Variants in RFX3 observed in about 807,000 individuals in gnomAD.
The protein encoded by RFX3 is transcription factor RFX3.
In RFX3, 14 loss-of-function variants were observed where a neutral mutation model predicts 98.6. That is an observed-to-expected ratio of 0.14 (90% CI 0.09 to 0.22). The LOEUF is 0.22. Ranked by LOEUF, RFX3 falls within the 10% of genes least tolerant of loss-of-function variation. The pLI, the probability that RFX3 is intolerant of heterozygous loss-of-function variation, is 1.00. For synonymous variants in RFX3, 383 were observed against 328.4 expected (o/e 1.17, Z -1.80); for missense variants, 639 against 926.9 (o/e 0.69, Z 4.03).
chr9:3,410,131 G>T (rs186992950), intron 1 of RFX3, among the ~76,000 whole-genome samples: 2 of 139,394 alleles, frequency 1.4e-5, no homozygotes, highest in East Asian at 2.3e-4. Flanking sequence ...TCTGTTTCAG[G>T]GTGTTTAACA....
At chr9:3,436,606 T>C (rs1845147241) in intron 1 of RFX3, among the ~76,000 whole-genome samples, 1 of 152,104 alleles carries the variant, frequency 6.6e-6, no homozygotes, top group Non-Finnish European at 1.5e-5. Context: ...TTATTCAAAA[T>C]ACTACATGCC....
intron 1 of RFX3, among the ~76,000 whole-genome samples, chr9:3,447,396 G>T (rs1304601734): frequency 6.6e-6 from 1 of 152,036 alleles, no homozygotes; most frequent in African/African-American, 2.4e-5. Flanking sequence ...GCCCAGCAAT[G>T]CAAAAGTTGA....
At chr9:3,267,586 G>T (rs1823810703) in intron 11 of RFX3, among the ~76,000 whole-genome samples, 1 of 151,808 alleles carries the variant, frequency 6.6e-6, no homozygotes, top group Non-Finnish European at 1.5e-5. Context: ...GATTGGAACG[G>T]GCTAAATTTT....
intron 1 of RFX3, among the ~76,000 whole-genome samples, chr9:3,456,479 T>C (rs969418225): frequency 1.3e-5 from 2 of 152,186 alleles, no homozygotes; most frequent in Non-Finnish European, 2.9e-5. Context: ...CCCAGCTTTA[T>C]GTGATATGCA....
At chr9:3,389,061 T>C (rs990307910) in intron 2 of RFX3, among the ~76,000 whole-genome samples, 1 of 152,104 alleles carries the variant, frequency 6.6e-6, no homozygotes, top group African/African-American at 2.4e-5. Flanking sequence ...TTATCCTCAA[T>C]GTTAGCAGTA....
intron 1 of RFX3, among the ~76,000 whole-genome samples, chr9:3,476,465 A>G (rs903278454): frequency 1.3e-5 from 2 of 152,184 alleles, no homozygotes; most frequent in African/African-American, 4.8e-5. Flanking sequence ...GCTTGAAAAC[A>G]GGGGAAGAGA....
chr9:3,493,738 C>T (rs1034256354), intron 1 of RFX3, among the ~76,000 whole-genome samples: 8 of 145,126 alleles, frequency 5.5e-5, no homozygotes, highest in Non-Finnish European at 1.2e-4. Context: ...CATACATACA[C>T]ACACACACTG....
intron 2 of RFX3, among the ~76,000 whole-genome samples, chr9:3,348,666 C>T (rs1834731603): frequency 6.6e-6 from 1 of 151,840 alleles, no homozygotes; most frequent in Non-Finnish European, 1.5e-5. Context: ...GACTTTATCC[C>T]CCAGTACCCT....
intron 1 of RFX3, among the ~76,000 whole-genome samples, chr9:3,427,414 TA>T: frequency 7.2e-6 from 1 of 138,894 alleles, no homozygotes; most frequent in South Asian, 2.2e-4. Context: ...TATATTGTTA[TA>T]TAATAATACA....
intron 1 of RFX3, among the ~76,000 whole-genome samples, chr9:3,509,675 T>C (rs868680320): frequency 1.3e-5 from 2 of 151,996 alleles, no homozygotes; most frequent in African/African-American, 2.4e-5. Flanking sequence ...AACATTAAGG[T>C]ATTTATGCAA....
At chr9:3,512,907 T>A (rs1240081746) in intron 1 of RFX3, among the ~76,000 whole-genome samples, 1 of 152,098 alleles carries the variant, frequency 6.6e-6, no homozygotes, top group East Asian at 1.9e-4. Flanking sequence ...TCCAACACTT[T>A]TTTATCCTTC....
At chr9:3,431,309 C>A (rs569170252) in intron 1 of RFX3, among the ~76,000 whole-genome samples, 9 of 152,296 alleles carry the variant, frequency 5.9e-5, no homozygotes, top group African/African-American at 1.9e-4. Flanking sequence ...ACTAGTGATG[C>A]TGCAAGTGCT....
At position 3,224,334 on chromosome 9, in the gene RFX3, A is replaced by C. The variant is rs1258750868; in HGVS notation, c.*708T>G. ...TAGTTAAAATTCAATGTTTAACGGA[A>C]GCTTGCATTGTTAACATGGTTTAAT... On this transcript the variant is annotated 3_prime_UTR_variant, in exon 17 of 17. Coordinates refer to ENST00000617270, the MANE Select transcript of RFX3 (RefSeq NM_001282116.2). The C allele has an allele frequency of 6.6e-6, 1 of 152,242 alleles. No individual in the cohort carries two copies. Among genetic ancestry groups the C allele is most frequent in the African/African-American group, 2.4e-5 (1 of 41,472 alleles). The allele number at this position is 152,242 out of a possible 1,614,324, so 9.4% of individuals were successfully genotyped here.
intron 2 of RFX3, among the ~76,000 whole-genome samples, chr9:3,387,851 A>C (rs1440079423): frequency 1.3e-5 from 2 of 152,152 alleles, no homozygotes; most frequent in Non-Finnish European, 2.9e-5. Flanking sequence ...ATTCATGTCC[A>C]TCAATGCTAG....
intron 1 of RFX3, among the ~76,000 whole-genome samples, chr9:3,512,506 T>G (rs1817752810): frequency 6.6e-6 from 1 of 151,980 alleles, no homozygotes; most frequent in Non-Finnish European, 1.5e-5. Flanking sequence ...CAACTGGATA[T>G]GCTAATTTTG....
chr9:3,452,754 T>TA (rs1846775930), intron 1 of RFX3, among the ~76,000 whole-genome samples: 1 of 152,202 alleles, frequency 6.6e-6, no homozygotes, highest in Admixed American at 6.5e-5. Context: ...ATTAGCTATT[T>TA]AAAAACTTAT....
chr9:3,477,702 C>G (rs1030523860), intron 1 of RFX3, among the ~76,000 whole-genome samples: 7 of 152,098 alleles, frequency 4.6e-5, no homozygotes, highest in African/African-American at 1.7e-4. Flanking sequence ...TATTTTTCAG[C>G]AAGTTTGGAA....
intron 4 of RFX3, among the ~76,000 whole-genome samples, chr9:3,306,052 G>A (rs944478555): frequency 3.9e-5 from 6 of 152,042 alleles, no homozygotes; most frequent in South Asian, 2.1e-4. Context: ...AGAAATATAC[G>A]TAACACTAAA....
chr9:3,426,791 C>T (rs1378907675), intron 1 of RFX3, among the ~76,000 whole-genome samples: 3 of 152,112 alleles, frequency 2.0e-5, no homozygotes, highest in African/African-American at 7.2e-5. Context: ...AAACTCAGGG[C>T]TCCCACTGAT....
Sources: allele counts gnomAD v4.1 joint callset (sites outside exome capture counted in the v4.1 genomes callset), GRCh38; gene constraint gnomAD v4.1.1; transcripts MANE v1.5; gene names NCBI Gene and HGNC (gene_info 2026-07-23, HGNC 2026-07-21).